The following ANKRD29 variants were observed in gnomAD, a reference collection of about 807,000 sequenced individuals.
ANKRD29 encodes the protein ankyrin repeat domain 29.
A neutral mutation model predicts 38.0 loss-of-function variants in ANKRD29; 32 were observed. That is an observed-to-expected ratio of 0.84 (90% CI 0.64 to 1.13). The LOEUF (loss-of-function observed/expected upper bound fraction) is 1.13, where lower values mean the gene tolerates loss of function less well. Among genes scored for constraint, ANKRD29 ranks in the 50% most tolerant of loss-of-function variants. The pLI, the probability that ANKRD29 is intolerant of heterozygous loss-of-function variation, is 0.00. For synonymous variants in ANKRD29, 135 were observed against 152.4 expected (o/e 0.89, Z 0.84); for missense variants, 357 against 377.9 (o/e 0.94, Z 0.46).
In ANKRD29 at chr18:23,655,335, A is replaced by G. The variant is rs1008669399; in HGVS notation, c.22-6142T>C. On this transcript the variant is annotated intron_variant, in intron 1 of 9. Coordinates refer to ENST00000592179, the MANE Select transcript of ANKRD29 (RefSeq NM_173505.4). ...CAGCATTAATATTAAAATATAGTTC[A>G]TAAGATTCACAAAACAGACTCTTTG... is the stretch of plus-strand genomic sequence containing the variant. Among the ~76,000 whole-genome samples, 4 of 152,222 alleles carry G rather than the reference A, an allele frequency of 2.6e-5. No individual in the cohort carries two copies. In the East Asian group the frequency reaches 5.8e-4, roughly 22 times the overall value.
chr18:23,622,984 T>C (rs906915465), intron 6 of ANKRD29, among the ~76,000 whole-genome samples: 1 of 152,226 alleles, frequency 6.6e-6, no homozygotes, highest in African/African-American at 2.4e-5. Context: ...CTGTAAGACC[T>C]TAGGCAAATC....
chr18:23,651,419 G>T (rs2060209854), intron 1 of ANKRD29, among the ~76,000 whole-genome samples: 1 of 152,176 alleles, frequency 6.6e-6, no homozygotes, highest in Non-Finnish European at 1.5e-5. Flanking sequence ...CAGTAACTAG[G>T]CAAAGAAATG....
At chr18:23,624,396 G>A (rs1174681235) in intron 6 of ANKRD29, among the ~76,000 whole-genome samples, 1 of 137,684 alleles carries the variant, frequency 7.3e-6, no homozygotes, top group Non-Finnish European at 1.5e-5. Flanking sequence ...GAGCCCGGGA[G>A]GCAGATGTTG....
At chr18:23,617,086 G>A (rs563410494) in intron 8 of ANKRD29, among the ~76,000 whole-genome samples, 105 of 152,088 alleles carry the variant, frequency 6.9e-4, no homozygotes, top group African/African-American at 2.5e-3. Flanking sequence ...TGTGGTGGCA[G>A]CGTGCCTGTA....
At position 23,612,643 on chromosome 18, in the gene ANKRD29, A is replaced by G. The variant is rs150333339; in HGVS notation, c.724-453T>C. 8.8e-3 allele frequency among the ~76,000 whole-genome samples: 1,343 copies of G among 152,234 alleles called. 31 individuals carry two copies. The highest frequency in any genetic ancestry group is 0.031 in the African/African-American group (1,283 of 41,536). ...CTGACCTGTCAGACCAGCTACAGAC[A>G]CTCTGAGCACTCAGGTGGGCAGGAC... is the stretch of plus-strand genomic sequence containing the variant. On this transcript the variant is annotated intron_variant, in intron 8 of 9. Coordinates refer to ENST00000592179, the MANE Select transcript of ANKRD29 (RefSeq NM_173505.4).
intron 3 of ANKRD29, among the ~76,000 whole-genome samples, chr18:23,641,412 C>T (rs1171056036): frequency 6.6e-6 from 1 of 152,260 alleles, no homozygotes; most frequent in Non-Finnish European, 1.5e-5. Flanking sequence ...CAGTGCGGAG[C>T]AAAGCTGTAG....
chr18:23,649,947 CTTGT>C lies in ANKRD29; in HGVS notation c.22-758_22-755del, dbSNP rs570364739. ...GTTTCACCACGTTGGCCAGGATGGT[CTTGT>C]ACTCTTGACCTCGTGATCCTCCCGC... is the stretch of plus-strand genomic sequence containing the variant. On this transcript the variant is annotated intron_variant, in intron 1 of 9. Coordinates refer to ENST00000592179, the MANE Select transcript of ANKRD29 (RefSeq NM_173505.4). Among the ~76,000 whole-genome samples the C allele has an allele frequency of 3.3e-5, 5 of 152,194 alleles. No individual in the cohort carries two copies. The East Asian group carries it at 9.7e-4, about 29-fold the overall frequency.
intron 9 of ANKRD29, among the ~76,000 whole-genome samples, chr18:23,607,662 C>T (rs571965188): frequency 6.6e-6 from 1 of 152,300 alleles, no homozygotes; most frequent in South Asian, 2.1e-4. Context: ...TTTAATTGCT[C>T]TTCCCTCCCC....
At chr18:23,606,855 G>C (rs73392191) in intron 9 of ANKRD29, among the ~76,000 whole-genome samples, 3,860 of 152,228 alleles carry the variant, frequency 0.025, 145 homozygotes, top group African/African-American at 0.089. Flanking sequence ...CAGAGACTCT[G>C]TCTCTAAAAA....
chr18:23,618,686 TC>T (rs2145657468), intron 7 of ANKRD29: 1 of 152,202 alleles, frequency 6.6e-6, no homozygotes, highest in South Asian at 2.1e-4. Context: ...GTTTCCAAAT[TC>T]CTTTTTCTCC....
Position 23,612,202 on chromosome 18 carries a change from T to C in ANKRD29, c.724-12A>G. The C allele has an allele frequency of 6.2e-7, 1 of 1,610,442 alleles. No homozygotes were observed. The highest frequency in any genetic ancestry group is 2.2e-5 in the East Asian group (1 of 44,866). On this transcript the variant is annotated splice_polypyrimidine_tract_variant and intron_variant, in intron 8 of 9. Coordinates refer to ENST00000592179, the MANE Select transcript of ANKRD29 (RefSeq NM_173505.4). ...GCTGATGTCCCATTCTAAGAGAAAA[T>C]GACAGTGTGTGTCAGGAGTGAGCTC... is the stretch of plus-strand genomic sequence containing the variant.
chr18:23,615,419 G>C (rs1467849617), intron 8 of ANKRD29, among the ~76,000 whole-genome samples: 1 of 152,088 alleles, frequency 6.6e-6, no homozygotes, highest in Admixed American at 6.5e-5. Flanking sequence ...AAGTTTTATA[G>C]GAATTAAGAT....
At chr18:23,630,887 A>T (rs1473258152) in intron 5 of ANKRD29, among the ~76,000 whole-genome samples, 1 of 147,154 alleles carries the variant, frequency 6.8e-6, no homozygotes, top group Non-Finnish European at 1.5e-5. Context: ...GGATCACTTG[A>T]GCCTGGGAAG....
rs754976508 is a variant in ANKRD29, at chr18:23,634,113, C to G, written c.367G>C (p.Gly123Arg). The G allele has an allele frequency of 4.3e-6, 7 of 1,614,122 alleles. No individual in the cohort carries two copies. The highest frequency in any genetic ancestry group is 5.9e-6 in the Non-Finnish European group (7 of 1,180,016). The stretch of plus-strand genomic sequence containing the variant: ...AAGGTCTCCACCACCTGCATGTGCC[C>G]GTACTGACTGGCAGCCAACAGGGCG... Reference protein sequence around the residue: ...GTALLAASQYGHMQVVETLLK... With the variant: ...GTALLAASQYRHMQVVETLLK... Residue 123 changes from glycine to arginine, a missense_variant, in exon 5 of 10, where the codon GGG (glycine) becomes CGG (arginine). Coordinates refer to ENST00000592179, the MANE Select transcript of ANKRD29 (RefSeq NM_173505.4).
intron 3 of ANKRD29, 83 bp from the exon 4 acceptor site, chr18:23,639,030 A>C (rs918350009): frequency 1.4e-5 from 15 of 1,057,026 alleles, no homozygotes; most frequent in Admixed American, 1.4e-4. Context: ...AAACAAAACA[A>C]TATCCTTGCA....
chr18:23,654,324 A>AATCAATC (rs1568053203), intron 1 of ANKRD29, among the ~76,000 whole-genome samples: 1 of 140,402 alleles, frequency 7.1e-6, no homozygotes, highest in African/African-American at 2.7e-5. Flanking sequence ...ATAAATAAAT[A>AATCAATC]AATCCAAGTC....
chr18:23,662,298 A>T (rs2060373639), intron 1 of ANKRD29, among the ~76,000 whole-genome samples: 1 of 152,084 alleles, frequency 6.6e-6, no homozygotes, highest in African/African-American at 2.4e-5. Flanking sequence ...CCCTCCGGGG[A>T]GGAGGCATCC....
At chr18:23,615,913 T>G (rs373731475) in intron 8 of ANKRD29, among the ~76,000 whole-genome samples, 1 of 147,306 alleles carries the variant, frequency 6.8e-6, no homozygotes, top group East Asian at 1.9e-4. Context: ...TAGTATATAC[T>G]ATATAGTATG....
At chr18:23,619,487 C>T (rs751132003) in intron 7 of ANKRD29, 44 bp downstream of exon 7, 1 of 1,521,818 alleles carries the variant, frequency 6.6e-7, no homozygotes, top group African/African-American at 1.4e-5. Flanking sequence ...CACACAGGCG[C>T]GCCGGGAGGC....
Sources: gnomAD v4.1 joint callset for allele counts (sites outside exome capture counted in the v4.1 genomes callset) on GRCh38, gnomAD v4.1.1 for gene constraint, MANE v1.5 for transcripts, NCBI Gene and HGNC (gene_info 2026-07-23, HGNC 2026-07-21) for gene names.